Variants in SEC31B observed in about 807,000 individuals in gnomAD.
The protein encoded by SEC31B is SEC31 homolog B, COPII component, also known as protein transport protein Sec31B.
SEC31B carries 113 observed loss-of-function variants against 135.0 expected under a neutral mutation model. The ratio of observed to expected loss-of-function variants is 0.84; its 90% CI spans 0.72 to 0.98. The LOEUF is 0.98. Ranked by LOEUF, SEC31B falls within the 50% of genes least tolerant of loss-of-function variation. The pLI, the probability that SEC31B is intolerant of heterozygous loss-of-function variation, is 0.00. For missense variants in SEC31B, 1,296 were observed against 1,421.1 expected (o/e 0.91, Z 1.42); for synonymous variants, 508 against 549.4 (o/e 0.92, Z 1.05).
rs772802831 is a variant in SEC31B, at chr10:100,488,909, C to G, written c.3237G>C (p.Lys1079Asn). ...KELPPEHQSL[K>N]SSFEALLQRC... is the part of the protein sequence containing the mutation. ...GTTGGAGAAGCGCCTCAAAGCTGCT[C>G]TTCAAGGACTGATGCTCTGGGGGCA... The change falls in exon 24 of 26, where the codon AAG (lysine) becomes AAC (asparagine). Residue 1079 changes from lysine (K) to asparagine (N), a missense_variant. Coordinates refer to ENST00000370345, the MANE Select transcript of SEC31B (RefSeq NM_015490.4). 6.2e-7 allele frequency: 1 copy of G among 1,611,816 alleles called. No homozygotes were observed. The highest frequency in any genetic ancestry group is 8.5e-7 in the Non-Finnish European group (1 of 1,179,190).
At chr10:100,510,605 G>A (rs1697147469) in intron 3 of SEC31B, among the ~76,000 whole-genome samples, 2 of 152,150 alleles carry the variant, frequency 1.3e-5, no homozygotes, top group Admixed American at 1.3e-4. Flanking sequence ...CAGATATCAC[G>A]CCAAATGAGG....
Position 100,498,812 on chromosome 10 carries a change from A to C in SEC31B, c.1585-8T>G, listed in dbSNP as rs200176788. 9.5e-5 allele frequency: 153 copies of C among 1,604,110 alleles called. No homozygotes were observed. Among genetic ancestry groups the C allele is most frequent in the Non-Finnish European group, 1.4e-5 (16 of 1,171,268 alleles). On this transcript the variant is annotated splice_region_variant and splice_polypyrimidine_tract_variant and intron_variant, in intron 13 of 25. Transcript: ENST00000370345. ...TGTGGTGTGTTTGGAGGCCTGTATGAGGAAGGACAGAGGTGACTACTTAGG... is the reference window on the plus strand; with the variant it reads ...TGTGGTGTGTTTGGAGGCCTGTATGCGGAAGGACAGAGGTGACTACTTAGG...
chr10:100,492,692 T>C (rs921392324), intron 19 of SEC31B, among the ~76,000 whole-genome samples: 1 of 152,212 alleles, frequency 6.6e-6, no homozygotes, highest in Non-Finnish European at 1.5e-5. Flanking sequence ...AAAAAACTTC[T>C]ATAACTATTC....
At chr10:100,516,057 G>T in intron 3 of SEC31B, 39 bp downstream of exon 3, 2 of 1,609,892 alleles carry the variant, frequency 1.2e-6, no homozygotes, top group Non-Finnish European at 1.7e-6. Context: ...TTCCACGTCA[G>T]TATCTACCCT....
intron 17 of SEC31B, among the ~76,000 whole-genome samples, chr10:100,496,643 G>A (rs1158638364): frequency 1.3e-5 from 2 of 152,206 alleles, no homozygotes; most frequent in Non-Finnish European, 2.9e-5. Flanking sequence ...GGATTTAACT[G>A]GACCCATCTG....
At chr10:100,495,208 A>C (rs930702252) in intron 19 of SEC31B, 177 bp downstream of exon 19, 27 of 657,884 alleles carry the variant, frequency 4.1e-5, no homozygotes, top group Admixed American at 1.1e-4. Flanking sequence ...TTGCACCTTT[A>C]TGTCCTAAGA....
At chr10:100,488,584 G>A (rs551041751) in intron 24 of SEC31B, among the ~76,000 whole-genome samples, 33 of 152,192 alleles carry the variant, frequency 2.2e-4, no homozygotes, top group Non-Finnish European at 3.7e-4. Flanking sequence ...CAGGGGAATG[G>A]CAGACTTCCT....
Position 100,495,628 on chromosome 10 carries a change from C to T in SEC31B, c.2311-82G>A, listed in dbSNP as rs943412974. 9 of 1,330,992 alleles carry T rather than the reference C, an allele frequency of 6.8e-6. No homozygotes were observed. In the African/African-American group the frequency reaches 1.2e-4, roughly 17 times the overall value. The allele number at this position is 1,330,992 out of a possible 1,614,324, so 82.4% of individuals were successfully genotyped here. A position where few individuals can be genotyped will look rare whatever the true frequency, so the allele number is the denominator to read the frequency against. Reference sequence around the variant, plus strand: ...GGTAGCAGTCAAATTTCAGCTGACCCTCTACACCAAGCTTGTCCAACCTGT... The same window carrying T: ...GGTAGCAGTCAAATTTCAGCTGACCTTCTACACCAAGCTTGTCCAACCTGT... On this transcript the variant is annotated intron_variant, in intron 18 of 25. Coordinates refer to ENST00000370345, the MANE Select transcript of SEC31B (RefSeq NM_015490.4).
Position 100,498,159 on chromosome 10 carries a change from G to T in SEC31B, c.1733C>A (p.Pro578Gln). ...CTCCTTCAGACACAGCTCCACGGCC[G>T]GACCCAGTTCCCCAAGCAGGAGAGC... Reference protein sequence around the residue: ...SQALLLGELGPAVELCLKEER... With the variant: ...SQALLLGELGQAVELCLKEER... The change falls in exon 15 of 26, where the codon CCG becomes CAG. Residue 578 changes from proline (P) to glutamine (Q), a missense_variant. Physicochemically the swap from Pro to Gln is moderately conservative, Grantham distance 76 (BLOSUM62 -1). Transcript: ENST00000370345. The T allele has an allele frequency of 6.2e-7, 1 of 1,614,140 alleles. No individual in the cohort carries two copies. The highest frequency in any genetic ancestry group is 8.5e-7 in the Non-Finnish European group (1 of 1,180,018).
intron 11 of SEC31B, 45 bp downstream of exon 11, chr10:100,502,209 G>T: frequency 1.3e-6 from 2 of 1,504,686 alleles, no homozygotes; most frequent in Non-Finnish European, 1.8e-6. Context: ...GGAGTTCCAG[G>T]CTTTGGGGAG....
rs1851689740 is a variant in SEC31B, at chr10:100,509,118, GTGTT to G, written c.400-20_400-17del. The G allele has an allele frequency of 6.2e-7, 1 of 1,609,432 alleles. No homozygotes were observed. Reference sequence around the variant, plus strand: ...GGAGGTTGCCCTGTATGAATAAAAAGTGTTTGGAGACATACCACCCTAGGAAGAA... The same window carrying G: ...GGAGGTTGCCCTGTATGAATAAAAAGTGGAGACATACCACCCTAGGAAGAA... On this transcript the variant is annotated splice_polypyrimidine_tract_variant and intron_variant, in intron 4 of 25. Transcript: ENST00000370345.
chr10:100,517,049 G>A, intron 1 of SEC31B, 52 bp from the exon 2 acceptor site: 1 of 869,126 alleles, frequency 1.2e-6, no homozygotes, highest in Non-Finnish European at 1.9e-6. Context: ...AGCATCTGCG[G>A]ACAAGAGTTC....
At chr10:100,515,920 G>T (rs1851832193) in intron 3 of SEC31B, among the ~76,000 whole-genome samples, 176 bp downstream of exon 3, 1 of 151,964 alleles carries the variant, frequency 6.6e-6, no homozygotes, top group African/African-American at 2.4e-5. Flanking sequence ...GGAAAGGGGG[G>T]GGGTGGTTGT....
intron 7 of SEC31B, 49 bp from the exon 8 acceptor site, chr10:100,506,469 G>A: frequency 6.6e-7 from 1 of 1,509,628 alleles, no homozygotes; most frequent in Non-Finnish European, 9.2e-7. Flanking sequence ...TGCCTACTAT[G>A]AGTAGGGTGC....
At chr10:100,507,793 C>T in intron 6 of SEC31B, 115 bp downstream of exon 6, 1 of 1,452,012 alleles carries the variant, frequency 6.9e-7, no homozygotes, top group Non-Finnish European at 9.5e-7. Flanking sequence ...AAGCGGCTGA[C>T]TCCACATGTC....
At position 100,519,811 on chromosome 10, in the gene SEC31B, G is replaced by A. The variant is rs1185018110; in HGVS notation, c.-75C>T. 6.6e-6 allele frequency: 1 copy of A among 152,304 alleles called. No individual in the cohort carries two copies. The highest frequency in any genetic ancestry group is 6.5e-5 in the Admixed American group (1 of 15,286). The allele number at this position is 152,304 out of a possible 1,614,324, so 9.4% of individuals were successfully genotyped here. ...GCGGAAGACCCCGGACAAGGGTCAG[G>A]CGCGGCGGCCGGAGCCGCTCCTCTG... On this transcript the variant is annotated 5_prime_UTR_variant, in exon 1 of 26. Coordinates refer to ENST00000370345, the MANE Select transcript of SEC31B (RefSeq NM_015490.4).
chr10:100,508,343 A>G, intron 5 of SEC31B: 1 of 537,668 alleles, frequency 1.9e-6, no homozygotes, highest in South Asian at 1.6e-5. Context: ...CTAGGACAAA[A>G]AAAGAGGGAG....
rs1176658816 is a variant in SEC31B at position 100,497,878 on chromosome 10, C to A, written c.1864-85G>T. The A allele has an allele frequency of 2.5e-6, 4 of 1,606,708 alleles. No individual in the cohort carries two copies. In the African/African-American group the frequency reaches 4.0e-5, roughly 16 times the overall value. ...TTCCTGCACAGGCCTCCTGTTAGAG[C>A]ACTGAGTAGGGGCAAGGGATGAGGT... On this transcript the variant is annotated intron_variant, in intron 15 of 25. Transcript: ENST00000370345.
At chr10:100,513,558 C>G (rs1378334865) in intron 3 of SEC31B, among the ~76,000 whole-genome samples, 1 of 152,090 alleles carries the variant, frequency 6.6e-6, no homozygotes, top group Admixed American at 6.5e-5. Flanking sequence ...CAACCTCCGC[C>G]TCCCACGTGC....
Sources: allele counts gnomAD v4.1 joint callset (sites outside exome capture counted in the v4.1 genomes callset), GRCh38; gene constraint gnomAD v4.1.1; transcripts MANE v1.5; gene names NCBI Gene and HGNC (gene_info 2026-07-23, HGNC 2026-07-21).